Variants in GMDS observed in about 807,000 individuals in gnomAD.
The protein encoded by GMDS is GDP-mannose 4,6 dehydratase.
GMDS carries 20 observed loss-of-function variants against 49.9 expected under a neutral mutation model. That is an observed-to-expected ratio of 0.40 (90% CI 0.28 to 0.58). The LOEUF is 0.58. Among genes scored for constraint, GMDS ranks in the 20% least tolerant of loss-of-function variants. The pLI is 0.42. For synonymous variants in GMDS, 177 were observed against 178.6 expected, an observed-to-expected ratio of 0.99 and a Z score of 0.07; for missense variants, 362 against 481.4, an observed-to-expected ratio of 0.75 and a Z score of 2.32.
At chr6:2,019,600 C>T (rs1285748958) in intron 4 of GMDS, among the ~76,000 whole-genome samples, 1 of 152,104 alleles carries the variant, frequency 6.6e-6, no homozygotes, top group African/African-American at 2.4e-5. Context: ...CAGGCACCCA[C>T]CATCATGCCC....
intron 4 of GMDS, among the ~76,000 whole-genome samples, chr6:1,973,455 T>C (rs985951726): frequency 7.2e-5 from 11 of 152,084 alleles, no homozygotes; most frequent in African/African-American, 2.4e-4. Context: ...ATTTAGCCAA[T>C]GGCCTGTACC....
At chr6:1,753,564 C>T (rs913695728) in intron 7 of GMDS, among the ~76,000 whole-genome samples, 3 of 152,200 alleles carry the variant, frequency 2.0e-5, no homozygotes, top group Non-Finnish European at 4.4e-5. Context: ...GAACTCTCCA[C>T]CCCAAATCAA....
At chr6:2,096,350 A>G (rs1773604077) in intron 4 of GMDS, among the ~76,000 whole-genome samples, 1 of 152,228 alleles carries the variant, frequency 6.6e-6, no homozygotes, top group Non-Finnish European at 1.5e-5. Flanking sequence ...TATGATTTCC[A>G]AGTAAAAACA....
chr6:2,234,389 C>T (rs903496364), intron 1 of GMDS, among the ~76,000 whole-genome samples: 3 of 152,118 alleles, frequency 2.0e-5, no homozygotes, highest in African/African-American at 7.2e-5. Context: ...AGGCAGATCA[C>T]CTGAGGCCGG....
intron 1 of GMDS, among the ~76,000 whole-genome samples, chr6:2,172,634 G>A (rs774247458): frequency 2.1e-4 from 32 of 152,262 alleles, no homozygotes; most frequent in Non-Finnish European, 3.5e-4. Flanking sequence ...GGAGGTTGCA[G>A]TGAGCCGAGA....
At chr6:1,982,418 A>G (rs971943841) in intron 4 of GMDS, among the ~76,000 whole-genome samples, 3 of 152,208 alleles carry the variant, frequency 2.0e-5, no homozygotes, top group African/African-American at 7.2e-5. Flanking sequence ...TAAGGTATTC[A>G]AACAGGAAGA....
intron 4 of GMDS, among the ~76,000 whole-genome samples, chr6:1,969,261 C>CAAAAAAAAAAAAAAAAAA (rs761741871): frequency 7.1e-4 from 10 of 14,078 alleles, no homozygotes; most frequent in Non-Finnish European, 1.3e-3. Flanking sequence ...GGCTCCATCT[C>CAAAAAAAAAAAAAAAAAA]AAAAAAAAAA....
At chr6:2,099,859 C>G (rs995754838) in intron 4 of GMDS, among the ~76,000 whole-genome samples, 1 of 151,994 alleles carries the variant, frequency 6.6e-6, no homozygotes, top group African/African-American at 2.4e-5. Flanking sequence ...TTAAAAGAAA[C>G]TGAACTTTTC....
chr6:1,674,641 A>G (rs904259474), intron 9 of GMDS, among the ~76,000 whole-genome samples: 23 of 132,710 alleles, frequency 1.7e-4, no homozygotes, highest in Middle Eastern at 5.3e-3. Context: ...CACACGGCTC[A>G]TTGCAGCCTC....
intron 1 of GMDS, among the ~76,000 whole-genome samples, chr6:2,214,959 C>A (rs919821551): frequency 9.2e-5 from 14 of 152,060 alleles, no homozygotes; most frequent in African/African-American, 3.1e-4. Flanking sequence ...TGAAGAAAAC[C>A]AAGACATCAC....
intron 7 of GMDS, among the ~76,000 whole-genome samples, chr6:1,917,721 G>T (rs1403956573): frequency 6.6e-6 from 1 of 152,206 alleles, no homozygotes; most frequent in Admixed American, 6.5e-5. Context: ...CTTGAATGGG[G>T]TATCTGTATC....
intron 1 of GMDS, among the ~76,000 whole-genome samples, chr6:2,156,376 T>C (rs1302078238): frequency 6.6e-6 from 1 of 152,182 alleles, no homozygotes; most frequent in Non-Finnish European, 1.5e-5. Flanking sequence ...AAAAAGGATA[T>C]TGATTTTTTA....
At chr6:2,242,481 C>T (rs1781657416) in intron 1 of GMDS, among the ~76,000 whole-genome samples, 1 of 152,214 alleles carries the variant, frequency 6.6e-6, no homozygotes, top group Admixed American at 6.5e-5. Context: ...ACACAGCAGA[C>T]AGGACACCCT....
intron 4 of GMDS, among the ~76,000 whole-genome samples, chr6:2,086,030 G>A (rs1287828318): frequency 2.0e-5 from 3 of 152,188 alleles, no homozygotes; most frequent in Non-Finnish European, 2.9e-5. Flanking sequence ...ACTCTTCACA[G>A]AGAGTGTGGC....
chr6:1,646,098 C>T (rs187570398), intron 9 of GMDS, among the ~76,000 whole-genome samples: 2 of 152,332 alleles, frequency 1.3e-5, no homozygotes, highest in South Asian at 2.1e-4. Flanking sequence ...TTTCCTGTTG[C>T]ACTGTTACCA....
chr6:2,201,287 A>G (rs1162144288), intron 1 of GMDS, among the ~76,000 whole-genome samples: 84 of 86,708 alleles, frequency 9.7e-4, no homozygotes, highest in East Asian at 2.2e-3. Context: ...TGAAGACAGA[A>G]CACCACATGC....
intron 7 of GMDS, among the ~76,000 whole-genome samples, chr6:1,888,800 G>A (rs1759738577): frequency 6.6e-6 from 1 of 152,210 alleles, no homozygotes; most frequent in African/African-American, 2.4e-5. Flanking sequence ...GAGGGTACAG[G>A]CATTGGGTAA....
chr6:2,080,076 C>T (rs1269350562), intron 4 of GMDS, among the ~76,000 whole-genome samples: 2 of 151,978 alleles, frequency 1.3e-5, no homozygotes, highest in African/African-American at 4.8e-5. Flanking sequence ...TGTCAGATTC[C>T]TTCTTCTGCT....
At chr6:2,082,162 TTACACACACGTG>T (rs1323659542) in intron 4 of GMDS, among the ~76,000 whole-genome samples, 5 of 152,084 alleles carry the variant, frequency 3.3e-5, no homozygotes, top group Non-Finnish European at 7.4e-5. Flanking sequence ...GTTCCCTACT[TTACACACACGTG>T]TGCGCACACA....
Sources: gnomAD v4.1 joint callset for allele counts (sites outside exome capture counted in the v4.1 genomes callset) on GRCh38, gnomAD v4.1.1 for gene constraint, MANE v1.5 for transcripts, NCBI Gene and HGNC (gene_info 2026-07-23, HGNC 2026-07-21) for gene names.